MICAL2: variants seen among roughly 807,000 people sequenced by gnomAD.
MICAL2 encodes the protein [F-actin]-monooxygenase MICAL2.
In MICAL2, 77 loss-of-function variants were observed where a neutral mutation model predicts 127.3. The ratio of observed to expected loss-of-function variants is 0.60; its 90% CI spans 0.50 to 0.73. MICAL2 has a LOEUF of 0.73. Ranked by LOEUF, MICAL2 falls within the 30% of genes least tolerant of loss-of-function variation. MICAL2 has a pLI of 0.00. For synonymous variants in MICAL2, 570 were observed against 551.1 expected (o/e 1.03, Z -0.48); for missense variants, 1,351 against 1,434.4 (o/e 0.94, Z 0.94).
chr11:12,148,782 T>C (rs1370258730), intron 2 of MICAL2, among the ~76,000 whole-genome samples: 2 of 151,626 alleles, frequency 1.3e-5, no homozygotes, highest in Non-Finnish European at 2.9e-5. Flanking sequence ...AAAACCATCA[T>C]ACAAACTTCC....
At chr11:12,155,921 G>A (rs1009474855) in intron 2 of MICAL2, among the ~76,000 whole-genome samples, 6 of 152,214 alleles carry the variant, frequency 3.9e-5, no homozygotes, top group Admixed American at 2.6e-4. Flanking sequence ...ACCTCCCGGC[G>A]CCTGGTACTG....
intron 4 of MICAL2, among the ~76,000 whole-genome samples, chr11:12,206,667 G>C (rs1273299532): frequency 6.6e-6 from 1 of 152,112 alleles, no homozygotes; most frequent in African/African-American, 2.4e-5. Flanking sequence ...TCCTCCTCCA[G>C]TTCCCACTGT....
chr11:12,330,300 G>A (rs1864400789), intron 32 of MICAL2, among the ~76,000 whole-genome samples: 1 of 152,126 alleles, frequency 6.6e-6, no homozygotes, highest in African/African-American at 2.4e-5. Flanking sequence ...TATTTGAGCT[G>A]GCCTGTGCTG....
At chr11:12,233,385 G>C (rs1257699501) in intron 15 of MICAL2, among the ~76,000 whole-genome samples, 1 of 152,174 alleles carries the variant, frequency 6.6e-6, no homozygotes, top group Non-Finnish European at 1.5e-5. Context: ...TATCATAGCT[G>C]CTGCCCAAAT....
chr11:12,135,889 T>A (rs1324240408), intron 1 of MICAL2, among the ~76,000 whole-genome samples: 1 of 151,792 alleles, frequency 6.6e-6, no homozygotes, highest in African/African-American at 2.4e-5. Flanking sequence ...GGTCTCGATC[T>A]ATCTCACACC....
At chr11:12,206,146 A>T (rs1015688679) in intron 4 of MICAL2, among the ~76,000 whole-genome samples, 1 of 152,134 alleles carries the variant, frequency 6.6e-6, no homozygotes, top group Non-Finnish European at 1.5e-5. Flanking sequence ...CTATGGAAGA[A>T]TGTATGTCGG....
intron 33 of MICAL2, among the ~76,000 whole-genome samples, chr11:12,354,098 C>A (rs932245960): frequency 6.6e-6 from 1 of 152,218 alleles, no homozygotes; most frequent in African/African-American, 2.4e-5. Context: ...TTCAGCTGCT[C>A]CCCCTGGTCT....
At chr11:12,159,712 G>A (rs1236027848) in intron 2 of MICAL2, among the ~76,000 whole-genome samples, 1 of 152,208 alleles carries the variant, frequency 6.6e-6, no homozygotes. Flanking sequence ...CACAGAAGTG[G>A]TTCCAAAGAT....
chr11:12,198,977 G>A (rs1278599041), intron 3 of MICAL2, among the ~76,000 whole-genome samples: 3 of 152,204 alleles, frequency 2.0e-5, no homozygotes, highest in Admixed American at 1.3e-4. Context: ...ATGCAGGGAA[G>A]GAGCCAAGTC....
intron 1 of MICAL2, among the ~76,000 whole-genome samples, chr11:12,116,319 G>T (rs1421792489): frequency 6.9e-6 from 1 of 144,644 alleles, no homozygotes; most frequent in African/African-American, 2.6e-5. Flanking sequence ...TCCCTCAAAT[G>T]AAATTTTTCT....
downstream of MICAL2, chr11:12,294,386 T>G (rs758673555): frequency 6.2e-7 from 1 of 1,614,048 alleles, no homozygotes; most frequent in Non-Finnish European, 8.5e-7. Context: ...GAAAACCAAT[T>G]CCAATAAAGA....
At chr11:12,303,937 G>A (rs1864078529) in intron 29 of MICAL2, 1 of 152,158 alleles carries the variant, frequency 6.6e-6, no homozygotes. Flanking sequence ...CTCAGCAGGT[G>A]TGAGGATCAC....
At chr11:12,309,346 G>T (rs1341159185) in intron 29 of MICAL2, among the ~76,000 whole-genome samples, 1 of 148,536 alleles carries the variant, frequency 6.7e-6, no homozygotes, top group Non-Finnish European at 1.5e-5. Context: ...CCCCACTTCT[G>T]CTTCCGTGGT....
chr11:12,221,357 A>G (rs1358539714), intron 9 of MICAL2, among the ~76,000 whole-genome samples: 5 of 152,240 alleles, frequency 3.3e-5, no homozygotes, highest in African/African-American at 9.6e-5. Context: ...TAAGAAGCTT[A>G]TTCTGATTTC....
chr11:12,134,591 C>G (rs1490335397), intron 1 of MICAL2, among the ~76,000 whole-genome samples: 1 of 152,170 alleles, frequency 6.6e-6, no homozygotes, highest in Non-Finnish European at 1.5e-5. Context: ...GTGCAGCTGG[C>G]TTTTCTTCCT....
chr11:12,175,069 G>C (rs183682996), intron 3 of MICAL2, among the ~76,000 whole-genome samples: 1 of 152,154 alleles, frequency 6.6e-6, no homozygotes, highest in East Asian at 1.9e-4. Flanking sequence ...GCTGTAGCAA[G>C]ATGAGATGAC....
At chr11:12,342,930 A>G (rs1466273594) in intron 32 of MICAL2, among the ~76,000 whole-genome samples, 1 of 152,172 alleles carries the variant, frequency 6.6e-6, no homozygotes, top group East Asian at 1.9e-4. Flanking sequence ...GGGAGGGGGC[A>G]GGGAGCTGAT....
chr11:12,346,924 A>G (rs1346574016), intron 32 of MICAL2, among the ~76,000 whole-genome samples: 1 of 152,044 alleles, frequency 6.6e-6, no homozygotes, highest in Non-Finnish European at 1.5e-5. Context: ...TCCTTTACAC[A>G]CGACACTTCA....
intron 29 of MICAL2, among the ~76,000 whole-genome samples, chr11:12,305,642 A>G (rs769634664): frequency 6.6e-6 from 1 of 152,240 alleles, no homozygotes; most frequent in Admixed American, 6.5e-5. Flanking sequence ...CTCACAAAAT[A>G]TCTTACTGTA....
Sources: gnomAD v4.1 joint callset for allele counts (sites outside exome capture counted in the v4.1 genomes callset) on GRCh38, gnomAD v4.1.1 for gene constraint, MANE v1.5 for transcripts, NCBI Gene and HGNC (gene_info 2026-07-23, HGNC 2026-07-21) for gene names.